The following VPS13C variants were observed in gnomAD, a reference collection of about 807,000 sequenced individuals.
VPS13C encodes the protein vacuolar protein sorting 13 homolog C, also known as intermembrane lipid transfer protein VPS13C.
Under a neutral mutation model 456.8 loss-of-function variants are expected in VPS13C, and 358 were observed. The observed-to-expected ratio is 0.78, with a 90% CI of 0.72 to 0.86. The LOEUF (loss-of-function observed/expected upper bound fraction) is 0.86. Ranked by LOEUF, VPS13C falls within the 40% of genes least tolerant of loss-of-function variation. The pLI is 0.00. For missense variants in VPS13C, 4,818 were observed against 4,385.4 expected, an observed-to-expected ratio of 1.10 and a Z score of -2.79; for synonymous variants, 1,578 against 1,486.7, an observed-to-expected ratio of 1.06 and a Z score of -1.41.
At chr15:62,012,595 C>T (rs1354886572) in intron 11 of VPS13C, among the ~76,000 whole-genome samples, 1 of 151,864 alleles carries the variant, frequency 6.6e-6, no homozygotes, top group East Asian at 1.9e-4. Context: ...ATGGCTAAGA[C>T]TGGTTTAGCA....
intron 5 of VPS13C, 94 bp from the exon 6 acceptor site, chr15:62,028,514 T>A: frequency 1.6e-6 from 2 of 1,234,020 alleles, no homozygotes; most frequent in South Asian, 2.6e-5. Flanking sequence ...TAATTTCATA[T>A]AATTAGAAAT....
Position 61,941,889 on chromosome 15 carries a change from G to C in VPS13C, c.5327C>G (p.Ala1776Gly). 3.7e-6 allele frequency: 6 copies of C among 1,614,012 alleles called. No individual in the cohort carries two copies. The highest frequency in any genetic ancestry group is 3.4e-6 in the Non-Finnish European group (4 of 1,179,920). Residue 1776 changes from alanine to glycine, a missense_variant, in exon 46 of 85, where the codon GCT becomes GGT. Coordinates refer to ENST00000644861, the MANE Select transcript of VPS13C (RefSeq NM_020821.3). Reference sequence around the variant, plus strand: ...GATTAAACCCAGATCTGCTATAACAGCATTAGGTGATACTGAAGACTGAGG... The same window carrying C: ...GATTAAACCCAGATCTGCTATAACACCATTAGGTGATACTGAAGACTGAGG... ...IIPQSSVSPN[A>G]VIADLGLIRV...
chr15:62,004,925 A>C (rs1274049309), intron 15 of VPS13C, among the ~76,000 whole-genome samples: 2 of 152,090 alleles, frequency 1.3e-5, no homozygotes, highest in South Asian at 2.1e-4. Context: ...TTTGCTGAGG[A>C]GAGCTTTACT....
At position 62,013,932 on chromosome 15, in the gene VPS13C, C is replaced by G. The variant is rs142105242; in HGVS notation, c.744+1G>C. On this transcript the variant is annotated splice_donor_variant, in intron 10 of 84. Transcript: ENST00000644861. LOFTEE classifies it high-confidence loss of function. ...CAAAAATTTTTATTCCAACATAATACCTTGTATATAATTTTGTCTGCTTCA... is the reference window on the plus strand; with the variant it reads ...CAAAAATTTTTATTCCAACATAATAGCTTGTATATAATTTTGTCTGCTTCA... 1 of 1,603,308 alleles carries G rather than the reference C, an allele frequency of 6.2e-7. No homozygotes were observed. Among genetic ancestry groups the G allele is most frequent in the Non-Finnish European group, 8.5e-7 (1 of 1,174,218 alleles).
intron 65 of VPS13C, among the ~76,000 whole-genome samples, chr15:61,907,859 A>G (rs1367631605): frequency 6.6e-6 from 1 of 152,168 alleles, no homozygotes; most frequent in Non-Finnish European, 1.5e-5. Flanking sequence ...GGCTCATGAG[A>G]TGCTCCTACC....
rs561931815 is a variant in VPS13C, at chr15:61,981,441, A to G, written c.2067T>C (p.Asp689=). ...THIIETRKVL[D]LRINLKPSYL... ...AAGAAGGCTTCAGATTTATCCTTAA[A>G]TCAAGGACTTTTCGAGTTTCAATAA... Residue 689 remains aspartate (D), a synonymous_variant, in exon 22 of 85, where the codon GAT becomes GAC. Transcript: ENST00000644861. 15 of 1,611,700 alleles carry G rather than the reference A, an allele frequency of 9.3e-6. No homozygotes were observed. The South Asian group carries it at 1.5e-4, about 17-fold the overall frequency.
intron 1 of VPS13C, among the ~76,000 whole-genome samples, chr15:62,048,400 A>G (rs2048500924): frequency 6.6e-6 from 1 of 151,936 alleles, no homozygotes; most frequent in Non-Finnish European, 1.5e-5. Context: ...GATGGTTTCC[A>G]GTTTCATCCA....
At chr15:61,871,536 G>A (rs979883367) in intron 79 of VPS13C, among the ~76,000 whole-genome samples, 3 of 150,774 alleles carry the variant, frequency 2.0e-5, no homozygotes, top group Non-Finnish European at 4.4e-5. Context: ...AATTTGGGAA[G>A]TAGAAGTCCT....
Position 61,907,366 on chromosome 15 carries a change from C to G in VPS13C, c.9003G>C (p.Leu3001Phe), listed in dbSNP as rs1471541789. ...KQSGSPEEMV[L>F]LPRQARLFAW... ...CAAAAAGTCGAGCCTGTCTTGGCAGCAAGACCATTTCTTCTGGTGACCCAC... is the reference window on the plus strand; with the variant it reads ...CAAAAAGTCGAGCCTGTCTTGGCAGGAAGACCATTTCTTCTGGTGACCCAC... Residue 3001 changes from leucine (L) to phenylalanine (F), a missense_variant, in exon 66 of 85, where the codon TTG becomes TTC. Coordinates refer to ENST00000644861, the MANE Select transcript of VPS13C (RefSeq NM_020821.3). 6.2e-7 allele frequency: 1 copy of G among 1,613,818 alleles called. No homozygotes were observed. The highest frequency in any genetic ancestry group is 8.5e-7 in the Non-Finnish European group (1 of 1,179,860).
intron 55 of VPS13C, among the ~76,000 whole-genome samples, chr15:61,921,616 A>C (rs575157901): frequency 9.0e-4 from 137 of 152,258 alleles, no homozygotes; most frequent in Admixed American, 2.0e-3. Context: ...ATTTTTAATC[A>C]AAAATAACTA....
intron 1 of VPS13C, among the ~76,000 whole-genome samples, chr15:62,057,222 CT>C (rs796859099): frequency 1.2e-3 from 180 of 152,162 alleles, no homozygotes; most frequent in Middle Eastern, 6.8e-3. Flanking sequence ...AAAAAAAAAA[CT>C]CTGTGAACTG....
chr15:62,035,335 T>C (rs900982157), intron 3 of VPS13C, among the ~76,000 whole-genome samples: 1 of 151,970 alleles, frequency 6.6e-6, no homozygotes, highest in Non-Finnish European at 1.5e-5. Flanking sequence ...AAGTCAGCTA[T>C]TATTTCAATC....
Position 61,907,251 on chromosome 15 carries a change from C to T in VPS13C, c.9105+13G>A, listed in dbSNP as rs996987936. On this transcript the variant is annotated intron_variant, in intron 66 of 84. Coordinates refer to ENST00000644861, the MANE Select transcript of VPS13C (RefSeq NM_020821.3). ...AGGTAACTCATATAGCACTCATTCACATCAAAAGATACCTTTAACAGATCA... is the reference window on the plus strand; with the variant it reads ...AGGTAACTCATATAGCACTCATTCATATCAAAAGATACCTTTAACAGATCA... The T allele has an allele frequency of 2.5e-6, 4 of 1,613,308 alleles. No individual in the cohort carries two copies. The highest frequency in any genetic ancestry group is 3.4e-6 in the Non-Finnish European group (4 of 1,179,448).
chr15:61,937,195 C>T (rs2044255508), intron 47 of VPS13C, among the ~76,000 whole-genome samples: 1 of 152,176 alleles, frequency 6.6e-6, no homozygotes, highest in Non-Finnish European at 1.5e-5. Flanking sequence ...TCTCCTGCTA[C>T]GTAGCTCTTC....
chr15:61,881,427 G>A (rs1895840266), intron 71 of VPS13C, 136 bp downstream of exon 71: 1 of 829,842 alleles, frequency 1.2e-6, no homozygotes, highest in East Asian at 2.9e-5. Context: ...AAGATTACTT[G>A]ACCAAAAGTG....
chr15:61,999,546 G>A (rs977620400), intron 16 of VPS13C, among the ~76,000 whole-genome samples: 5 of 152,022 alleles, frequency 3.3e-5, no homozygotes, highest in Non-Finnish European at 7.4e-5. Flanking sequence ...ACTATAAAAA[G>A]GACTAAAAGG....
intron 38 of VPS13C, among the ~76,000 whole-genome samples, chr15:61,953,227 A>ATTTAT (rs893986665): frequency 1.3e-5 from 2 of 151,246 alleles, no homozygotes; most frequent in Non-Finnish European, 2.9e-5. Context: ...ATTTTTTTTA[A>ATTTAT]TTTATTTTAT....
chr15:62,023,611 A>G, intron 7 of VPS13C, 91 bp from the exon 8 acceptor site: 2 of 1,155,964 alleles, frequency 1.7e-6, no homozygotes, highest in South Asian at 3.0e-5. Context: ...GTACTACTCA[A>G]TGGAAATTAC....
intron 53 of VPS13C, among the ~76,000 whole-genome samples, chr15:61,924,205 CT>C (rs1485025027): frequency 2.0e-5 from 3 of 152,164 alleles, no homozygotes; most frequent in Admixed American, 1.3e-4. Flanking sequence ...ACACCTCTGC[CT>C]TTGTGCATAT....
Sources: gnomAD v4.1 joint callset for allele counts (sites outside exome capture counted in the v4.1 genomes callset) on GRCh38, gnomAD v4.1.1 for gene constraint, MANE v1.5 for transcripts, NCBI Gene and HGNC (gene_info 2026-07-23, HGNC 2026-07-21) for gene names.